Variants in DEUP1 observed in about 807,000 individuals in gnomAD.
DEUP1 encodes the protein deuterosome assembly protein 1.
In DEUP1, 82 loss-of-function variants were observed where a neutral mutation model predicts 87.4. That is an observed-to-expected ratio of 0.94 (90% CI 0.78 to 1.13). The LOEUF (loss-of-function observed/expected upper bound fraction) is 1.13. Ranked by LOEUF, DEUP1 falls within the 50% of genes most tolerant of loss-of-function variation. The pLI, the probability that DEUP1 is intolerant of heterozygous loss-of-function variation, is 0.00. For missense variants in DEUP1, 663 were observed against 681.5 expected (o/e 0.97, Z 0.30); for synonymous variants, 214 against 222.7 (o/e 0.96, Z 0.35).
chr11:93,427,667 C>A (rs1393067678), intron 13 of DEUP1, among the ~76,000 whole-genome samples: 1 of 151,138 alleles, frequency 6.6e-6, no homozygotes, highest in Non-Finnish European at 1.5e-5. Flanking sequence ...GCAAAAGAAA[C>A]TACCATCAGA....
At chr11:93,408,619 C>T (rs1947349532) in intron 12 of DEUP1, among the ~76,000 whole-genome samples, 192 bp downstream of exon 12, 2 of 152,110 alleles carry the variant, frequency 1.3e-5, no homozygotes, top group South Asian at 2.1e-4. Context: ...ATTTGAAATG[C>T]GTGGAGTGTT....
In DEUP1 at chr11:93,408,362, C is replaced by T. The variant is rs200372609; in HGVS notation, c.1458C>T (p.Asn486=). The T allele has an allele frequency of 3.2e-6, 5 of 1,574,250 alleles. No homozygotes were observed. The Admixed American group carries it at 5.6e-5, about 18-fold the overall frequency. Residue 486 remains asparagine, a synonymous_variant, in exon 12 of 14, where the codon AAC becomes AAT. Transcript: ENST00000298050. ...VNGKSTWTNQ[N]TYEETGRYAY... is the part of the protein sequence containing the mutation. ...GAAAATCAACCTGGACTAATCAAAA[C>T]ACCTATGAAGAAACAGGAAGATATG...
intron 11 of DEUP1, among the ~76,000 whole-genome samples, chr11:93,407,613 G>A (rs1947315862): frequency 6.6e-6 from 1 of 152,020 alleles, no homozygotes; most frequent in Non-Finnish European, 1.5e-5. Flanking sequence ...AGTGTTGGTA[G>A]TATGGAATAT....
chr11:93,361,657 A>G (rs1458585255), intron 4 of DEUP1, among the ~76,000 whole-genome samples: 1 of 152,154 alleles, frequency 6.6e-6, no homozygotes, highest in Non-Finnish European at 1.5e-5. Context: ...AAAACACTAC[A>G]GATAAAATGG....
intron 9 of DEUP1, among the ~76,000 whole-genome samples, chr11:93,393,263 T>C (rs1021606654): frequency 2.0e-5 from 3 of 151,760 alleles, no homozygotes; most frequent in South Asian, 4.2e-4. Flanking sequence ...ACCCGGCTAA[T>C]GTTTTTACTT....
At chr11:93,437,149 T>C (rs1162260292) in intron 13 of DEUP1, among the ~76,000 whole-genome samples, 1 of 152,240 alleles carries the variant, frequency 6.6e-6, no homozygotes, top group African/African-American at 2.4e-5. Flanking sequence ...TTTTCTTCTC[T>C]ATAAACTGTC....
intron 13 of DEUP1, among the ~76,000 whole-genome samples, chr11:93,433,344 C>T (rs1436413388): frequency 1.3e-5 from 2 of 152,078 alleles, no homozygotes; most frequent in Non-Finnish European, 2.9e-5. Context: ...AATGAGGCTC[C>T]GTTTCTATAA....
chr11:93,414,786 GT>G (rs1177062679), intron 12 of DEUP1, among the ~76,000 whole-genome samples: 1 of 152,098 alleles, frequency 6.6e-6, no homozygotes, highest in African/African-American at 2.4e-5. Context: ...CAGTTGTTAA[GT>G]TTTCTGCTTC....
intron 11 of DEUP1, among the ~76,000 whole-genome samples, chr11:93,403,259 A>G (rs1290637407): frequency 6.6e-6 from 1 of 151,878 alleles, no homozygotes; most frequent in East Asian, 1.9e-4. Context: ...AGTTGTTTAG[A>G]ATAGTTTAAG....
chr11:93,436,560 C>T (rs1948254387), intron 13 of DEUP1, among the ~76,000 whole-genome samples: 1 of 152,200 alleles, frequency 6.6e-6, no homozygotes, highest in Non-Finnish European at 1.5e-5. Flanking sequence ...ATCCCTGACA[C>T]AGCAGCTACA....
chr11:93,412,953 A>C (rs969069247), intron 12 of DEUP1, among the ~76,000 whole-genome samples: 1 of 152,168 alleles, frequency 6.6e-6, no homozygotes, highest in African/African-American at 2.4e-5. Flanking sequence ...AATGGAAAAC[A>C]TGTTGTATTT....
intron 8 of DEUP1, among the ~76,000 whole-genome samples, chr11:93,386,007 C>T (rs1371315347): frequency 6.6e-5 from 10 of 151,236 alleles, no homozygotes; most frequent in African/African-American, 1.9e-4. Context: ...GAGCTGTGAT[C>T]GTGCCACTGT....
chr11:93,427,356 C>G (rs368286948), intron 13 of DEUP1, among the ~76,000 whole-genome samples: 16 of 151,804 alleles, frequency 1.1e-4, no homozygotes, highest in East Asian at 3.9e-4. Flanking sequence ...ACAAACCTGA[C>G]AAAAATAAGC....
At chr11:93,413,216 A>T (rs898201107) in intron 12 of DEUP1, among the ~76,000 whole-genome samples, 1 of 149,870 alleles carries the variant, frequency 6.7e-6, no homozygotes, top group Admixed American at 6.7e-5. Context: ...AATTGAAGGG[A>T]TTTTCGTTTT....
At chr11:93,435,440 T>A (rs1476675614) in intron 13 of DEUP1, among the ~76,000 whole-genome samples, 3 of 152,192 alleles carry the variant, frequency 2.0e-5, no homozygotes, top group Admixed American at 2.0e-4. Flanking sequence ...CAACCAGGAC[T>A]CAACAGCATG....
At chr11:93,341,311 C>T (rs1944062081) in intron 2 of DEUP1, among the ~76,000 whole-genome samples, 2 of 151,952 alleles carry the variant, frequency 1.3e-5, no homozygotes, top group African/African-American at 4.8e-5. Context: ...CCCAGTTACT[C>T]AGGAGGCTGA....
rs116672500 is a variant in DEUP1, at chr11:93,396,707, G to T, written c.1326+382G>T. On this transcript the variant is annotated intron_variant, in intron 11 of 13. Coordinates refer to ENST00000298050, the MANE Select transcript of DEUP1 (RefSeq NM_181645.4). ...TCAGAATGAATGCCACATTTAGTTC[G>T]TATTTTGTTCTGACTTGTTTTGTTG... Among the ~76,000 whole-genome samples the T allele has an allele frequency of 3.4e-3, 511 of 152,270 alleles. 1 individual carries two copies. The highest frequency in any genetic ancestry group is 0.012 in the African/African-American group (488 of 41,560).
intron 7 of DEUP1, among the ~76,000 whole-genome samples, chr11:93,374,943 G>T (rs1321341895): frequency 2.0e-5 from 3 of 151,322 alleles, no homozygotes; most frequent in African/African-American, 7.3e-5. Context: ...TGTGTCATCT[G>T]TGATTTTTTT....
intron 2 of DEUP1, among the ~76,000 whole-genome samples, chr11:93,345,064 G>A (rs1270419092): frequency 1.3e-5 from 2 of 152,000 alleles, no homozygotes; most frequent in Non-Finnish European, 2.9e-5. Context: ...ATGTATCCAT[G>A]TGTTCTCATC....
Sources: gnomAD v4.1 joint callset for allele counts (sites outside exome capture counted in the v4.1 genomes callset) on GRCh38, gnomAD v4.1.1 for gene constraint, MANE v1.5 for transcripts, NCBI Gene and HGNC (gene_info 2026-07-23, HGNC 2026-07-21) for gene names.